RBP2: variants seen among roughly 807,000 people sequenced by gnomAD.
RBP2 encodes retinol binding protein 2.
Under a neutral mutation model 17.0 loss-of-function variants are expected in RBP2, and 17 were observed. The observed-to-expected ratio is 1.00, with a 90% CI of 0.68 to 1.50. The LOEUF (loss-of-function observed/expected upper bound fraction) is 1.50. Among genes scored for constraint, RBP2 ranks in the 40% most tolerant of loss-of-function variants. RBP2 has a pLI of 0.00. For synonymous variants in RBP2, 48 were observed against 57.1 expected (o/e 0.84, Z 0.72); for missense variants, 158 against 168.2 (o/e 0.94, Z 0.33).
intron 1 of RBP2, among the ~76,000 whole-genome samples, chr3:139,474,654 G>A (rs1366416032): frequency 6.6e-6 from 1 of 152,098 alleles, no homozygotes; most frequent in Non-Finnish European, 1.5e-5. Context: ...GCAAGGCTGG[G>A]GCTATTATCT....
chr3:139,473,839 T>G (rs1933642063), intron 1 of RBP2, among the ~76,000 whole-genome samples: 1 of 152,160 alleles, frequency 6.6e-6, no homozygotes, highest in African/African-American at 2.4e-5. Context: ...ATAAGATGAC[T>G]CTGGGTGAGG....
chr3:139,467,309 C>T (rs904989782), intron 1 of RBP2, among the ~76,000 whole-genome samples: 8 of 152,112 alleles, frequency 5.3e-5, no homozygotes, highest in Non-Finnish European at 8.8e-5. Context: ...CAGAGCAAGA[C>T]CCTGTTTCTA....
intron 1 of RBP2, among the ~76,000 whole-genome samples, chr3:139,467,444 A>G (rs1170275346): frequency 1.3e-5 from 2 of 152,212 alleles, no homozygotes; most frequent in African/African-American, 4.8e-5. Flanking sequence ...GATCATGTGC[A>G]TGCTAAAGCT....
At chr3:139,464,859 C>T (rs1051588262) in intron 1 of RBP2, among the ~76,000 whole-genome samples, 9 of 152,086 alleles carry the variant, frequency 5.9e-5, no homozygotes, top group Non-Finnish European at 1.3e-4. Flanking sequence ...GAAAAAAATG[C>T]AGATTTCTGG....
intron 1 of RBP2, among the ~76,000 whole-genome samples, chr3:139,472,671 A>C (rs544820995): frequency 1.3e-3 from 199 of 152,332 alleles, no homozygotes; most frequent in African/African-American, 4.6e-3. Flanking sequence ...CTGCTGCCCA[A>C]TTGCAACCAA....
intron 2 of RBP2, among the ~76,000 whole-genome samples, chr3:139,459,398 A>ATGTG (rs201355065): frequency 3.9e-4 from 14 of 36,166 alleles, no homozygotes; most frequent in Non-Finnish European, 4.5e-4. Flanking sequence ...TCTACTATAT[A>ATGTG]TATGTGTGTG....
chr3:139,462,528 G>A (rs9833307), intron 1 of RBP2, among the ~76,000 whole-genome samples: 78,183 of 146,750 alleles, frequency 0.53, 23,308 homozygotes, highest in East Asian at 0.92. Context: ...GATGTAGCAC[G>A]CAAGCCTCAC....
At chr3:139,457,740 T>A (rs1304418587) in intron 2 of RBP2, among the ~76,000 whole-genome samples, 1 of 152,016 alleles carries the variant, frequency 6.6e-6, no homozygotes. Context: ...GATCCTCAGG[T>A]TGAGGAAATG....
At chr3:139,459,101 T>G (rs1052875106) in intron 2 of RBP2, among the ~76,000 whole-genome samples, 21 of 151,544 alleles carry the variant, frequency 1.4e-4, no homozygotes, top group Non-Finnish European at 2.5e-4. Context: ...AGTGGGGAGA[T>G]TTCCAGAGGG....
At chr3:139,460,629 G>T (rs1933154290) in intron 2 of RBP2, among the ~76,000 whole-genome samples, 1 of 152,160 alleles carries the variant, frequency 6.6e-6, no homozygotes, top group African/African-American at 2.4e-5. Flanking sequence ...TGAACTCCTG[G>T]AAGGACAGTG....
In RBP2 at chr3:139,476,516, G is replaced by T; in HGVS notation, c.-57C>A. On this transcript the variant is annotated 5_prime_UTR_variant, in exon 1 of 4. The change creates a new upstream start codon in the 5' untranslated region. Coordinates refer to ENST00000232217, the MANE Select transcript of RBP2 (RefSeq NM_004164.3). ...GGTGGATGGCAAGGAGCAGGCTGCA[G>T]GGAGAATACACTGGAATGAGCTTCT... The T allele has an allele frequency of 6.7e-7, 1 of 1,487,312 alleles. No individual in the cohort carries two copies. The highest frequency in any genetic ancestry group is 9.4e-7 in the Non-Finnish European group (1 of 1,066,202). 92.1% of individuals were successfully genotyped at this position (1,487,312 alleles called of 1,614,324 possible). A position where few individuals can be genotyped will look rare whatever the true frequency, so the allele number is the denominator to read the frequency against.
At chr3:139,461,521 C>T (rs1933189222) in intron 2 of RBP2, among the ~76,000 whole-genome samples, 1 of 143,598 alleles carries the variant, frequency 7.0e-6, no homozygotes, top group Admixed American at 7.2e-5. Flanking sequence ...TAAATCTTGA[C>T]TCCACTTAAC....
intron 1 of RBP2, among the ~76,000 whole-genome samples, chr3:139,463,390 T>C (rs1933259197): frequency 6.6e-6 from 1 of 152,092 alleles, no homozygotes. Flanking sequence ...TTTTCACCAT[T>C]TTAGCCAGGA....
intron 1 of RBP2, among the ~76,000 whole-genome samples, chr3:139,471,351 G>C (rs1425992046): frequency 1.3e-5 from 2 of 152,214 alleles, no homozygotes; most frequent in African/African-American, 4.8e-5. Context: ...TTTTGCACAA[G>C]ACACATATTC....
chr3:139,459,038 G>T (rs1198257446), intron 2 of RBP2, among the ~76,000 whole-genome samples: 1 of 152,068 alleles, frequency 6.6e-6, no homozygotes, highest in Non-Finnish European at 1.5e-5. Context: ...CTCTGGGCTG[G>T]CATAGAACTG....
Position 139,462,202 on chromosome 3 carries a change from G to T in RBP2, c.162C>A (p.Thr54=). 3 of 1,614,086 alleles carry T rather than the reference G, an allele frequency of 1.9e-6. No homozygotes were observed. The highest frequency in any genetic ancestry group is 2.5e-6 in the Non-Finnish European group (3 of 1,179,992). ...DQDGDNFKTK[T]TSTFRNYDVD... Reference sequence around the variant, plus strand: ...CATCATAGTTGCGGAATGTGCTAGTGGTTTTTGTCTTGAAGTTATCACCAT... The same window carrying T: ...CATCATAGTTGCGGAATGTGCTAGTTGTTTTTGTCTTGAAGTTATCACCAT... The change falls in exon 2 of 4, where the codon ACC becomes ACA. Residue 54 remains threonine (T), a synonymous_variant. Coordinates refer to ENST00000232217, the MANE Select transcript of RBP2 (RefSeq NM_004164.3).
chr3:139,472,172 C>G (rs1283802502), intron 1 of RBP2, among the ~76,000 whole-genome samples: 1 of 152,194 alleles, frequency 6.6e-6, no homozygotes, highest in Non-Finnish European at 1.5e-5. Flanking sequence ...TTTACTGACT[C>G]CATGTACTGT....
At chr3:139,457,869 T>C (rs958417201) in intron 2 of RBP2, among the ~76,000 whole-genome samples, 4 of 152,186 alleles carry the variant, frequency 2.6e-5, no homozygotes, top group African/African-American at 7.2e-5. Context: ...CTTTCCACTA[T>C]CACAGTTTCC....
intron 1 of RBP2, among the ~76,000 whole-genome samples, chr3:139,469,082 T>C (rs1049036189): frequency 6.6e-6 from 1 of 152,188 alleles, no homozygotes; most frequent in African/African-American, 2.4e-5. Flanking sequence ...AGGTGCTCTT[T>C]GTAAATTAAA....
Sources: gnomAD v4.1 joint callset for allele counts (sites outside exome capture counted in the v4.1 genomes callset) on GRCh38, gnomAD v4.1.1 for gene constraint, MANE v1.5 for transcripts, NCBI Gene and HGNC (gene_info 2026-07-23, HGNC 2026-07-21) for gene names.